The following OSBPL1A variants were observed in gnomAD, a reference collection of about 807,000 sequenced individuals.
The protein encoded by OSBPL1A is oxysterol binding protein like 1A, also known as oxysterol-binding protein-related protein 1.
Under a neutral mutation model 137.1 loss-of-function variants are expected in OSBPL1A, and 80 were observed. The ratio of observed to expected loss-of-function variants is 0.58; its 90% CI spans 0.49 to 0.70. The LOEUF (loss-of-function observed/expected upper bound fraction) is 0.70, where lower values mean the gene tolerates loss of function less well. Among genes scored for constraint, OSBPL1A ranks in the 30% least tolerant of loss-of-function variants. The pLI is 0.00. For missense variants in OSBPL1A, 970 were observed against 1,129.4 expected (o/e 0.86, Z 2.02); for synonymous variants, 365 against 389.7 (o/e 0.94, Z 0.75).
intron 20 of OSBPL1A, 130 bp from the exon 21 acceptor site, chr18:24,178,325 GC>G (rs1444460517): frequency 1.1e-6 from 1 of 942,082 alleles, no homozygotes; most frequent in Non-Finnish European, 1.5e-6. Flanking sequence ...ACAAAATCTT[GC>G]TCTGTCGCTC....
intron 1 of OSBPL1A, among the ~76,000 whole-genome samples, chr18:24,385,160 T>C (rs1257011207): frequency 1.3e-5 from 2 of 151,934 alleles, no homozygotes; most frequent in African/African-American, 2.4e-5. Flanking sequence ...TTCACTGTGT[T>C]AGCCAGGATG....
intron 15 of OSBPL1A, among the ~76,000 whole-genome samples, chr18:24,259,815 A>C (rs1407129223): frequency 2.6e-5 from 4 of 152,196 alleles, no homozygotes; most frequent in Admixed American, 2.6e-4. Context: ...TTAAAAAAAA[A>C]TACACCGAAA....
Position 24,309,343 on chromosome 18 carries a change from A to ACT in OSBPL1A, c.1092+2639_1092+2640dup, listed in dbSNP as rs539291382. ...AATGTTTATACTGAAAAACTAACTC[A>ACT]CTCTCTCTCTCTCTTTCCTTCTAAG... On this transcript the variant is annotated intron_variant, in intron 13 of 27. Coordinates refer to ENST00000319481, the MANE Select transcript of OSBPL1A (RefSeq NM_080597.4). 3.3e-5 allele frequency among the ~76,000 whole-genome samples: 5 copies of ACT among 150,758 alleles called. No homozygotes were observed. In the East Asian group the frequency reaches 7.8e-4, roughly 24 times the overall value.
At chr18:24,361,413 T>C (rs2091619538) in intron 4 of OSBPL1A, among the ~76,000 whole-genome samples, 1 of 152,250 alleles carries the variant, frequency 6.6e-6, no homozygotes, top group Admixed American at 6.5e-5. Context: ...GGTTTCCTTA[T>C]ACATCGTTTA....
intron 16 of OSBPL1A, among the ~76,000 whole-genome samples, chr18:24,227,216 A>G (rs1362198448): frequency 6.6e-6 from 1 of 152,194 alleles, no homozygotes; most frequent in Admixed American, 6.5e-5. Flanking sequence ...TTAATAATAC[A>G]TTTAAAGAGA....
Position 24,350,881 on chromosome 18 carries a change from C to T in OSBPL1A, c.283-9223G>A, listed in dbSNP as rs959985028. Among the ~76,000 whole-genome samples, 15 of 152,172 alleles carry T rather than the reference C, an allele frequency of 9.9e-5. 1 individual carries two copies. The South Asian group carries it at 2.1e-3, about 21-fold the overall frequency. ...TCTCAAGAAGCTCCTGAAGGCTGTG[C>T]GCCACCAAATGACAGACAAATCAAG... On this transcript the variant is annotated intron_variant, in intron 4 of 27. Coordinates refer to ENST00000319481, the MANE Select transcript of OSBPL1A (RefSeq NM_080597.4).
At chr18:24,214,287 G>A (rs558449616) in intron 17 of OSBPL1A, among the ~76,000 whole-genome samples, 1 of 152,336 alleles carries the variant, frequency 6.6e-6, no homozygotes, top group South Asian at 2.1e-4. Flanking sequence ...TGCAATGCAT[G>A]GTGAATGCTG....
At chr18:24,164,532 C>CA (rs2061640948) in intron 27 of OSBPL1A, among the ~76,000 whole-genome samples, 2 of 150,706 alleles carry the variant, frequency 1.3e-5, no homozygotes, top group South Asian at 4.2e-4. Flanking sequence ...GGGTTCACGC[C>CA]ATTCTCCTGC....
chr18:24,258,691 T>C (rs1194430679), intron 15 of OSBPL1A, among the ~76,000 whole-genome samples: 2 of 152,194 alleles, frequency 1.3e-5, no homozygotes, highest in Non-Finnish European at 2.9e-5. Flanking sequence ...TATTACGCAT[T>C]GTATGCCTGC....
chr18:24,190,284 A>G (rs1056339263), intron 18 of OSBPL1A, among the ~76,000 whole-genome samples: 1 of 138,740 alleles, frequency 7.2e-6, no homozygotes, highest in African/African-American at 2.7e-5. Context: ...TGGCACCTGC[A>G]CTGGAGGGAC....
rs140929077 is a variant in OSBPL1A at position 24,221,323 on chromosome 18, A to C, written c.1601+3719T>G. 2.8e-3 allele frequency among the ~76,000 whole-genome samples: 426 copies of C among 152,316 alleles called. 2 individuals are homozygous for C. Among genetic ancestry groups the C allele is most frequent in the African/African-American group, 9.6e-3 (401 of 41,564 alleles). ...ACACTCCTCTTTCCTGCGGCTAAGA[A>C]CTAGAATCTAAAGCAATCAGAAGGG... On this transcript the variant is annotated intron_variant, in intron 17 of 27. Transcript: ENST00000319481.
chr18:24,233,913 A>G (rs1599537736), intron 16 of OSBPL1A, among the ~76,000 whole-genome samples: 1 of 152,176 alleles, frequency 6.6e-6, no homozygotes, highest in African/African-American at 2.4e-5. Flanking sequence ...TTGGCCTCCC[A>G]AAGTGCTGGA....
chr18:24,250,463 A>C (rs905702837), intron 15 of OSBPL1A, among the ~76,000 whole-genome samples: 7 of 152,178 alleles, frequency 4.6e-5, no homozygotes, highest in African/African-American at 7.2e-5. Context: ...GGCGTGAGCC[A>C]CTGCACCCAG....
intron 15 of OSBPL1A, among the ~76,000 whole-genome samples, chr18:24,256,667 T>C (rs1445648811): frequency 6.6e-6 from 1 of 152,000 alleles, no homozygotes; most frequent in African/African-American, 2.4e-5. Context: ...AAGGAAGAAG[T>C]CAAATTATCC....
rs77223351 is a variant in OSBPL1A at position 24,373,768 on chromosome 18, G to A, written c.121+3645C>T. ...AAAGGAAAGAAAACCAAGAAATGCC[G>A]GGAAGGAACCCCCCACATGGAAACA... On this transcript the variant is annotated intron_variant, in intron 2 of 27. Coordinates refer to ENST00000319481, the MANE Select transcript of OSBPL1A (RefSeq NM_080597.4). Among the ~76,000 whole-genome samples the A allele has an allele frequency of 7.0e-3, 1,064 of 152,140 alleles. 12 individuals are homozygous for A. Among genetic ancestry groups the A allele is most frequent in the African/African-American group, 0.023 (973 of 41,496 alleles).
intron 1 of OSBPL1A, among the ~76,000 whole-genome samples, chr18:24,385,289 G>T (rs1906889996): frequency 6.6e-6 from 1 of 152,192 alleles, no homozygotes; most frequent in African/African-American, 2.4e-5. Flanking sequence ...TACATAGGGG[G>T]CTGAGGCAGG....
At chr18:24,275,765 G>A (rs546494297) in intron 15 of OSBPL1A, among the ~76,000 whole-genome samples, 4 of 147,780 alleles carry the variant, frequency 2.7e-5, no homozygotes, top group South Asian at 2.1e-4. Context: ...GTCTCACTCC[G>A]TTGCTCAGGC....
chr18:24,321,237 C>T (rs374704586), intron 7 of OSBPL1A, among the ~76,000 whole-genome samples: 4 of 152,136 alleles, frequency 2.6e-5, no homozygotes, highest in African/African-American at 9.6e-5. Context: ...TTTATAGGTG[C>T]ACAGAGTTGT....
chr18:24,182,900 ACT>A (rs796516811), intron 18 of OSBPL1A, among the ~76,000 whole-genome samples: 8 of 150,898 alleles, frequency 5.3e-5, no homozygotes, highest in African/African-American at 2.0e-4. Context: ...ATGGAGTCTC[ACT>A]CTGTCACCCA....
Sources: allele counts gnomAD v4.1 joint callset (sites outside exome capture counted in the v4.1 genomes callset), GRCh38; gene constraint gnomAD v4.1.1; transcripts MANE v1.5; gene names NCBI Gene and HGNC (gene_info 2026-07-23, HGNC 2026-07-21).